RAD54B: variants seen among roughly 807,000 people sequenced by gnomAD.
RAD54B encodes the protein RAD54 homolog B.
A neutral mutation model predicts 95.8 loss-of-function variants in RAD54B; 78 were observed. The ratio of observed to expected loss-of-function variants is 0.81; its 90% CI spans 0.68 to 0.98. The LOEUF is 0.98. Ranked by LOEUF, RAD54B falls within the 50% of genes least tolerant of loss-of-function variation. The pLI is 0.00. For missense variants in RAD54B, 957 were observed against 1,056.6 expected, an observed-to-expected ratio of 0.91 and a Z score of 1.31; for synonymous variants, 328 against 354.9, an observed-to-expected ratio of 0.92 and a Z score of 0.85.
intron 2 of RAD54B, among the ~76,000 whole-genome samples, chr8:94,464,980 C>T (rs1319008655): frequency 1.3e-5 from 2 of 152,116 alleles, no homozygotes; most frequent in East Asian, 3.9e-4. Context: ...TCACTCATTA[C>T]CATGAAAACA....
At chr8:94,425,517 G>T (rs1811921585) in intron 3 of RAD54B, among the ~76,000 whole-genome samples, 1 of 151,800 alleles carries the variant, frequency 6.6e-6, no homozygotes, top group Admixed American at 6.6e-5. Context: ...TGTTTAATAT[G>T]CATTAACATA....
intron 3 of RAD54B, among the ~76,000 whole-genome samples, chr8:94,427,453 T>C (rs1811970928): frequency 6.6e-6 from 1 of 152,016 alleles, no homozygotes; most frequent in South Asian, 2.1e-4. Flanking sequence ...CTTACTCTTG[T>C]TTAAGTATGC....
chr8:94,374,787 G>C (rs1234213001), intron 14 of RAD54B, among the ~76,000 whole-genome samples: 1 of 152,068 alleles, frequency 6.6e-6, no homozygotes, highest in Non-Finnish European at 1.5e-5. Context: ...CTAATCCACT[G>C]TCACAGTTTC....
intron 3 of RAD54B, chr8:94,430,110 A>G: frequency 1.3e-6 from 1 of 790,528 alleles, no homozygotes; most frequent in Non-Finnish European, 1.5e-6. Context: ...TCAGGAGATC[A>G]AGACCATCCT....
chr8:94,400,561 T>C, intron 6 of RAD54B, 98 bp from the exon 7 acceptor site: 2 of 977,918 alleles, frequency 2.0e-6, no homozygotes, highest in Non-Finnish European at 3.0e-6. Flanking sequence ...GTAATGACAC[T>C]GAAGACTTTT....
intron 1 of RAD54B, among the ~76,000 whole-genome samples, chr8:94,474,350 A>G (rs1219629700): frequency 3.3e-5 from 5 of 152,186 alleles, no homozygotes; most frequent in African/African-American, 1.2e-4. Flanking sequence ...ATGTACCCCC[A>G]AATCTAAAAT....
intron 3 of RAD54B, among the ~76,000 whole-genome samples, chr8:94,457,796 C>T (rs1445926051): frequency 6.6e-6 from 1 of 152,106 alleles, no homozygotes; most frequent in Admixed American, 6.5e-5. Flanking sequence ...ATTATTTTAA[C>T]TCAGTTCAAC....
At position 94,380,195 on chromosome 8, in the gene RAD54B, A is replaced by G; in HGVS notation, c.2197T>C (p.Ser733Pro). ...GGVGLNLIGG[S>P]HLILYDIDWN... ...TCAATGTCATAGAGAATTAAGTGAG[A>G]TCCTCCAATGAGGTTAAGTCCTACA... Residue 733 changes from serine to proline, a missense_variant, in exon 12 of 15, where the codon TCT becomes CCT. Coordinates refer to ENST00000336148, the MANE Select transcript of RAD54B (RefSeq NM_012415.3). The G allele has an allele frequency of 6.2e-7, 1 of 1,613,400 alleles. No homozygotes were observed. Among genetic ancestry groups the G allele is most frequent in the Non-Finnish European group, 8.5e-7 (1 of 1,179,508 alleles).
At chr8:94,379,452 A>C (rs1810681134) in intron 12 of RAD54B, among the ~76,000 whole-genome samples, 1 of 152,232 alleles carries the variant, frequency 6.6e-6, no homozygotes, top group African/African-American at 2.4e-5. Context: ...CTCCACTGGC[A>C]GAGAACAACT....
rs1563650808 is a variant in RAD54B at position 94,422,646 on chromosome 8, AT to A, written c.305-11332del. ...TATATATATATATATATATATATAT[AT>A]ATATATAAAATTATCAGTGTTACAG... is the stretch of plus-strand genomic sequence containing the variant. On this transcript the variant is annotated intron_variant, in intron 3 of 14. Coordinates refer to ENST00000336148, the MANE Select transcript of RAD54B (RefSeq NM_012415.3). 2.8e-3 allele frequency among the ~76,000 whole-genome samples: 337 copies of A among 121,934 alleles called. 2 individuals carry two copies. The highest frequency in any genetic ancestry group is 5.1e-3 in the Non-Finnish European group (300 of 58,334). The allele number at this position is 121,934 out of a possible 152,430, so 80.0% of individuals were successfully genotyped here.
chr8:94,444,563 TTG>T (rs1442014611), intron 3 of RAD54B, among the ~76,000 whole-genome samples: 2 of 152,214 alleles, frequency 1.3e-5, no homozygotes, highest in African/African-American at 4.8e-5. Context: ...TAAATAATTC[TTG>T]GCAAACAACT....
chr8:94,389,932 G>A (rs1810975610), intron 10 of RAD54B, among the ~76,000 whole-genome samples: 2 of 152,124 alleles, frequency 1.3e-5, no homozygotes, highest in African/African-American at 2.4e-5. Context: ...TAAATTAACT[G>A]GTATACTCTG....
chr8:94,467,669 T>A, intron 1 of RAD54B, 114 bp from the exon 2 acceptor site: 6 of 1,032,934 alleles, frequency 5.8e-6, no homozygotes, highest in South Asian at 2.0e-5. Context: ...CTTATGGGCC[T>A]GCCTGGCCCC....
At chr8:94,388,820 G>A (rs927237119) in intron 10 of RAD54B, among the ~76,000 whole-genome samples, 1 of 152,170 alleles carries the variant, frequency 6.6e-6, no homozygotes, top group African/African-American at 2.4e-5. Flanking sequence ...GGCTGCTTTA[G>A]GTTAGCTCTG....
At chr8:94,466,240 T>C (rs1032910621) in intron 2 of RAD54B, among the ~76,000 whole-genome samples, 1 of 152,146 alleles carries the variant, frequency 6.6e-6, no homozygotes, top group Non-Finnish European at 1.5e-5. Flanking sequence ...CATAAAAGGA[T>C]CAGGGAATTG....
At chr8:94,462,499 T>C (rs1178351339) in intron 2 of RAD54B, among the ~76,000 whole-genome samples, 1 of 152,196 alleles carries the variant, frequency 6.6e-6, no homozygotes, top group Non-Finnish European at 1.5e-5. Context: ...TATTATTCAA[T>C]GGGCTATAAT....
intron 10 of RAD54B, among the ~76,000 whole-genome samples, chr8:94,389,377 A>G (rs1361708995): frequency 6.6e-6 from 1 of 152,208 alleles, no homozygotes; most frequent in Non-Finnish European, 1.5e-5. Flanking sequence ...ATTAATCCAT[A>G]TGTGTTGAGG....
chr8:94,413,408 G>A (rs575743739), intron 3 of RAD54B, among the ~76,000 whole-genome samples: 1 of 152,192 alleles, frequency 6.6e-6, no homozygotes, highest in Admixed American at 6.5e-5. Context: ...CATATACGGC[G>A]AAATTATTTT....
Position 94,399,470 on chromosome 8 carries a change from A to C in RAD54B, c.1322T>G (p.Ile441Ser). 1.9e-5 allele frequency: 31 copies of C among 1,613,686 alleles called. No individual in the cohort carries two copies. Among genetic ancestry groups the C allele is most frequent in the Non-Finnish European group, 2.6e-5 (31 of 1,179,694 alleles). ...DEGHRLKNSAIKTTTALISLS... is the reference protein window; with the variant it reads ...DEGHRLKNSASKTTTALISLS... ...GCTAATGAGGGCTGTAGTTGTCTTA[A>C]TGGCACTGTTCTTCAAACGATGCCC... The change falls in exon 8 of 15, where the codon ATT becomes AGT. Residue 441 changes from isoleucine (I) to serine (S), a missense_variant. Coordinates refer to ENST00000336148, the MANE Select transcript of RAD54B (RefSeq NM_012415.3).
Sources: allele counts gnomAD v4.1 joint callset (sites outside exome capture counted in the v4.1 genomes callset), GRCh38; gene constraint gnomAD v4.1.1; transcripts MANE v1.5; gene names NCBI Gene and HGNC (gene_info 2026-07-23, HGNC 2026-07-21).